Variants in CAST observed in about 807,000 individuals in gnomAD.
CAST encodes the protein calpastatin, also known as MIR583 host.
A neutral mutation model predicts 119.6 loss-of-function variants in CAST; 76 were observed. The ratio of observed to expected loss-of-function variants is 0.64; its 90% CI spans 0.53 to 0.77. The LOEUF (loss-of-function observed/expected upper bound fraction) is 0.77. CAST is among the 30% of genes least tolerant of loss of function. The pLI, the probability that CAST is intolerant of heterozygous loss-of-function variation, is 0.00. For missense variants in CAST, 953 were observed against 946.5 expected, an observed-to-expected ratio of 1.01 and a Z score of -0.09; for synonymous variants, 319 against 331.6, an observed-to-expected ratio of 0.96 and a Z score of 0.41.
intron 1 of CAST, among the ~76,000 whole-genome samples, chr5:96,555,894 C>T (rs1746229109): frequency 6.6e-6 from 1 of 152,200 alleles, no homozygotes; most frequent in African/African-American, 2.4e-5. Context: ...TCCCAGCACG[C>T]AGCTGGAGAT....
the CAST span, among the ~76,000 whole-genome samples, chr5:96,039,734 ATC>A: frequency 6.6e-6 from 1 of 151,978 alleles, no homozygotes; most frequent in African/African-American, 2.4e-5. Context: ...TGGTTTATAT[ATC>A]TGTTTTGATA....
chr5:96,204,300 C>T, the CAST span, among the ~76,000 whole-genome samples: 1 of 151,976 alleles, frequency 6.6e-6, no homozygotes, highest in Non-Finnish European at 1.5e-5. Flanking sequence ...GCAGCTGTTT[C>T]CTGATGTTTT....
the CAST span, among the ~76,000 whole-genome samples, chr5:96,063,263 C>T: frequency 6.6e-6 from 1 of 152,136 alleles, no homozygotes; most frequent in African/African-American, 2.4e-5. Context: ...TGAAGGGACC[C>T]ATTCACTCAA....
the CAST span, among the ~76,000 whole-genome samples, chr5:96,194,692 A>G: frequency 2.0e-5 from 3 of 152,260 alleles, no homozygotes; most frequent in Non-Finnish European, 2.9e-5. Context: ...TATAGAAAGT[A>G]CAATCTTTTA....
the CAST span, among the ~76,000 whole-genome samples, chr5:96,163,641 C>G: frequency 6.6e-6 from 1 of 152,200 alleles, no homozygotes; most frequent in Non-Finnish European, 1.5e-5. Context: ...TATTGCCCAG[C>G]CACTGGGCCT....
chr5:96,290,748 G>A, the CAST span, among the ~76,000 whole-genome samples: 2 of 152,192 alleles, frequency 1.3e-5, no homozygotes, highest in Non-Finnish European at 1.5e-5. Context: ...TCTCAGTTGG[G>A]GCAAGCATCC....
intron 1 of CAST, among the ~76,000 whole-genome samples, chr5:96,628,734 G>C (rs1300491409): frequency 1.3e-5 from 2 of 152,182 alleles, no homozygotes; most frequent in Non-Finnish European, 2.9e-5. Flanking sequence ...CTTTTGCAAA[G>C]TTACCAAATT....
At chr5:96,132,585 T>A in the CAST span, among the ~76,000 whole-genome samples, 1 of 152,098 alleles carries the variant, frequency 6.6e-6, no homozygotes, top group Non-Finnish European at 1.5e-5. Context: ...CAACCTCTAA[T>A]AACCACAATT....
At chr5:95,983,620 C>G in the CAST span, among the ~76,000 whole-genome samples, 2 of 152,226 alleles carry the variant, frequency 1.3e-5, no homozygotes, top group Non-Finnish European at 2.9e-5. Context: ...TTATGTGCTT[C>G]TGTATTATTT....
At chr5:96,126,099 A>T in the CAST span, among the ~76,000 whole-genome samples, 2 of 152,096 alleles carry the variant, frequency 1.3e-5, no homozygotes, top group Non-Finnish European at 2.9e-5. Context: ...ATCAGTACAG[A>T]GTGTGTGTGC....
At chr5:96,329,766 G>A in the CAST span, among the ~76,000 whole-genome samples, 3 of 152,312 alleles carry the variant, frequency 2.0e-5, no homozygotes, top group East Asian at 5.8e-4. Flanking sequence ...AATTCCTGTG[G>A]CATTAGCTAT....
intron 1 of CAST, among the ~76,000 whole-genome samples, chr5:96,533,829 G>A (rs1169831275): frequency 6.6e-6 from 1 of 152,128 alleles, no homozygotes; most frequent in Non-Finnish European, 1.5e-5. Context: ...AGTGTACCCA[G>A]GGATAGGCAC....
At chr5:96,662,534 G>T in intron 1 of CAST, 37 bp downstream of exon 1, 1 of 1,343,286 alleles carries the variant, frequency 7.4e-7, no homozygotes, top group South Asian at 1.9e-5. Context: ...GGGGCTGGGC[G>T]ATGGGGTACC....
chr5:96,361,997 C>T, the CAST span, among the ~76,000 whole-genome samples: 6 of 152,028 alleles, frequency 3.9e-5, no homozygotes, highest in Middle Eastern at 3.4e-3. Context: ...CCACACCCCA[C>T]GACAGGCCCC....
At chr5:95,973,695 G>C in the CAST span, among the ~76,000 whole-genome samples, 1 of 152,134 alleles carries the variant, frequency 6.6e-6, no homozygotes, top group Non-Finnish European at 1.5e-5. Context: ...ACGTGTCTCT[G>C]CTTTCATCAG....
intron 25 of CAST, among the ~76,000 whole-genome samples, chr5:96,763,485 G>A (rs1364300793): frequency 6.6e-6 from 1 of 152,196 alleles, no homozygotes; most frequent in African/African-American, 2.4e-5. Flanking sequence ...TCAGGCCAGA[G>A]ATTCTGCCCT....
the CAST span, among the ~76,000 whole-genome samples, chr5:96,111,254 A>AT: frequency 6.6e-6 from 1 of 152,240 alleles, no homozygotes; most frequent in Non-Finnish European, 1.5e-5. Flanking sequence ...GAATAGGTTC[A>AT]TAGGACAAAG....
At chr5:96,447,544 C>T in the CAST span, among the ~76,000 whole-genome samples, 127 of 152,152 alleles carry the variant, frequency 8.3e-4, no homozygotes, top group Non-Finnish European at 1.4e-3. Context: ...TTAAATGTTA[C>T]TCACGGGCAG....
chr5:96,313,815 G>A, the CAST span, among the ~76,000 whole-genome samples: 3 of 151,922 alleles, frequency 2.0e-5, no homozygotes, highest in Admixed American at 2.0e-4. Flanking sequence ...CATTCCAATA[G>A]GTGTGTCATG....
Sources: allele counts gnomAD v4.1 joint callset (sites outside exome capture counted in the v4.1 genomes callset), GRCh38; gene constraint gnomAD v4.1.1; transcripts MANE v1.5; gene names NCBI Gene and HGNC (gene_info 2026-07-23, HGNC 2026-07-21).